TOR1AIP2: variants seen among roughly 807,000 people sequenced by gnomAD.
TOR1AIP2 encodes the protein torsin 1A interacting protein 2, also known as torsin-1A-interacting protein 2.
TOR1AIP2 carries 20 observed loss-of-function variants against 32.6 expected under a neutral mutation model. That is an observed-to-expected ratio of 0.61 (90% CI 0.43 to 0.89). The LOEUF (loss-of-function observed/expected upper bound fraction) is 0.89, where lower values mean the gene tolerates loss of function less well. Ranked by LOEUF, TOR1AIP2 falls within the 40% of genes least tolerant of loss-of-function variation. The pLI, the probability that TOR1AIP2 is intolerant of heterozygous loss-of-function variation, is 0.00. For missense variants in TOR1AIP2, 456 were observed against 553.8 expected (o/e 0.82, Z 1.77); for synonymous variants, 214 against 210.8 (o/e 1.02, Z -0.13).
intron 3 of TOR1AIP2, among the ~76,000 whole-genome samples, chr1:179,856,634 C>G (rs1043185926): frequency 6.6e-6 from 1 of 152,034 alleles, no homozygotes; most frequent in African/African-American, 2.4e-5. Context: ...TTTTTCCCCC[C>G]CAAGATAGAA....
intron 3 of TOR1AIP2, chr1:179,865,017 G>A: frequency 6.2e-7 from 1 of 1,614,020 alleles, no homozygotes; most frequent in Non-Finnish European, 8.5e-7. Context: ...GGATTATCAG[G>A]ATAACACTCA....
In TOR1AIP2 at chr1:179,861,224, G is replaced by T. The variant is rs925286950; in HGVS notation, c.-147+4212C>A. On this transcript the variant is annotated intron_variant, in intron 3 of 6. Transcript: ENST00000609928. ...ATTTAAAACACTGGATAACCCTCCAGATCATTTGTCATTACAATTAATTTT... is the reference window on the plus strand; with the variant it reads ...ATTTAAAACACTGGATAACCCTCCATATCATTTGTCATTACAATTAATTTT... 4.1e-5 allele frequency: 40 copies of T among 985,176 alleles called. No individual in the cohort carries two copies. In the African/African-American group the frequency reaches 5.6e-4, roughly 14 times the overall value. The allele number at this position is 985,176 out of a possible 1,614,324, so 61.0% of individuals were successfully genotyped here.
chr1:179,861,369 A>C, intron 3 of TOR1AIP2: 1 of 985,462 alleles, frequency 1.0e-6, no homozygotes, highest in Non-Finnish European at 1.2e-6. Context: ...TAAGGTGAAA[A>C]GCTTTGTTCA....
chr1:179,872,226 C>G (rs1280095814), intron 2 of TOR1AIP2, among the ~76,000 whole-genome samples: 1 of 152,184 alleles, frequency 6.6e-6, no homozygotes, highest in Non-Finnish European at 1.5e-5. Context: ...GTTTGGAAAC[C>G]TACTGGTACA....
Position 179,846,207 on chromosome 1 carries a change from A to C in TOR1AIP2, c.1277T>G (p.Phe426Cys), listed in dbSNP as rs1695896253. 2 of 1,614,018 alleles carry C rather than the reference A, an allele frequency of 1.2e-6. No individual in the cohort carries two copies. The highest frequency in any genetic ancestry group is 1.7e-6 in the Non-Finnish European group (2 of 1,180,024). The change falls in exon 7 of 7, where the codon TTT becomes TGT. Residue 426 changes from phenylalanine (F) to cysteine (C), a missense_variant. Transcript: ENST00000609928. Reference sequence around the variant, plus strand: ...GGAGGTGGGAGTGTCAGAGTTGGTAAACTTGGCCCAGAGTAAGTCTCTCAC... The same window carrying C: ...GGAGGTGGGAGTGTCAGAGTTGGTACACTTGGCCCAGAGTAAGTCTCTCAC... ...EKVRDLLWAKFTNSDTPTSFN... is the reference protein window; with the variant it reads ...EKVRDLLWAKCTNSDTPTSFN...
At chr1:179,857,785 T>A (rs1487097060) in intron 3 of TOR1AIP2, among the ~76,000 whole-genome samples, 1 of 152,232 alleles carries the variant, frequency 6.6e-6, no homozygotes, top group Non-Finnish European at 1.5e-5. Flanking sequence ...AATTCTGCTA[T>A]GAAAACAAGT....
At chr1:179,850,212 A>C (rs1696063334) in intron 5 of TOR1AIP2, among the ~76,000 whole-genome samples, 1 of 151,958 alleles carries the variant, frequency 6.6e-6, no homozygotes, top group Admixed American at 6.5e-5. Context: ...AGGTCTCCCA[A>C]GTCAGCAAGT....
chr1:179,847,695 C>T, intron 5 of TOR1AIP2, 59 bp from the exon 6 acceptor site: 1 of 1,099,964 alleles, frequency 9.1e-7, no homozygotes, highest in Non-Finnish European at 1.4e-6. Context: ...AGTATGTATA[C>T]CTTTATATCT....
intron 2 of TOR1AIP2, among the ~76,000 whole-genome samples, chr1:179,873,191 G>GT (rs1413317773): frequency 6.6e-6 from 1 of 152,050 alleles, no homozygotes; most frequent in Non-Finnish European, 1.5e-5. Flanking sequence ...TGGGTTCGGT[G>GT]TTTTTTGTTT....
chr1:179,856,904 T>C (rs946593396), intron 3 of TOR1AIP2, among the ~76,000 whole-genome samples: 11 of 152,178 alleles, frequency 7.2e-5, no homozygotes, highest in Non-Finnish European at 1.2e-4. Context: ...CATGAGCCAC[T>C]GCGCCCAGCC....
At chr1:179,864,845 G>A in intron 3 of TOR1AIP2, 1 of 1,614,006 alleles carries the variant, frequency 6.2e-7, no homozygotes, top group Non-Finnish European at 8.5e-7. Context: ...TAACTGTAAT[G>A]CAGGGTTAAA....
intron 2 of TOR1AIP2, among the ~76,000 whole-genome samples, chr1:179,872,324 T>C (rs1479735763): frequency 6.6e-6 from 1 of 152,230 alleles, no homozygotes; most frequent in Non-Finnish European, 1.5e-5. Context: ...AGCCAAACCT[T>C]TAAGGCTAAT....
chr1:179,865,160 G>C, intron 3 of TOR1AIP2: 1 of 1,604,940 alleles, frequency 6.2e-7, no homozygotes, highest in Non-Finnish European at 8.5e-7. Flanking sequence ...AGGGCAATGT[G>C]AATTATCTGA....
chr1:179,851,418 A>C (rs1696113321), intron 4 of TOR1AIP2, 55 bp from the exon 5 acceptor site: 2 of 1,321,476 alleles, frequency 1.5e-6, no homozygotes, highest in Non-Finnish European at 2.0e-6. Flanking sequence ...ATAAATTTAT[A>C]TTTTAACAAG....
intron 3 of TOR1AIP2, among the ~76,000 whole-genome samples, chr1:179,857,631 CA>C (rs1696355389): frequency 6.6e-6 from 1 of 152,046 alleles, no homozygotes; most frequent in African/African-American, 2.4e-5. Flanking sequence ...TGTGGTATAC[CA>C]AATGACTTTT....
Position 179,846,232 on chromosome 1 carries a change from CTT to C in TOR1AIP2, c.1250_1251del (p.Lys417SerfsTer13). 1 of 1,614,188 alleles carries C rather than the reference CTT, an allele frequency of 6.2e-7. No homozygotes were observed. The highest frequency in any genetic ancestry group is 8.5e-7 in the Non-Finnish European group (1 of 1,180,042). On this transcript the variant is annotated frameshift_variant, in exon 7 of 7. Coordinates refer to ENST00000609928, the MANE Select transcript of TOR1AIP2 (RefSeq NM_001199260.2). LOFTEE classifies it high-confidence loss of function. The stretch of plus-strand genomic sequence containing the variant: ...AACTTGGCCCAGAGTAAGTCTCTCA[CTT>C]TTTCTTCCGTTTCCCTTGGGCCTAC... ...ASVGPRETEE[K>X]VRDLLWAKFT...
At chr1:179,865,324 G>A (rs1696724852) in intron 3 of TOR1AIP2, 112 bp downstream of exon 3, 1 of 1,029,286 alleles carries the variant, frequency 9.7e-7, no homozygotes. Context: ...AATAAACTTG[G>A]CTTGCACCTC....
In TOR1AIP2 at chr1:179,870,558, C is replaced by T. The variant is rs1175031291; in HGVS notation, c.-565-4704G>A. Reference sequence around the variant, plus strand: ...CAAAGGTAACTTTTTTCCAATCCCACCCCTCCTCCTCCATTTTGGAAAGAT... The same window carrying T: ...CAAAGGTAACTTTTTTCCAATCCCATCCCTCCTCCTCCATTTTGGAAAGAT... On this transcript the variant is annotated intron_variant, in intron 2 of 6. Transcript: ENST00000609928. Among the ~76,000 whole-genome samples the T allele has an allele frequency of 3.9e-5, 6 of 151,948 alleles. No homozygotes were observed. The East Asian group carries it at 9.6e-4, about 24-fold the overall frequency.
chr1:179,842,361 T>TATTG lies in TOR1AIP2; in HGVS notation c.*3706_*3709dup, dbSNP rs1695748454. The TATTG allele has an allele frequency of 6.6e-6, 1 of 152,332 alleles. No individual in the cohort carries two copies. Among genetic ancestry groups the TATTG allele is most frequent in the Admixed American group, 6.5e-5 (1 of 15,296 alleles). 9.4% of individuals were successfully genotyped at this position (152,332 alleles called of 1,614,324 possible). On this transcript the variant is annotated 3_prime_UTR_variant, in exon 7 of 7. Transcript: ENST00000609928. The stretch of plus-strand genomic sequence containing the variant: ...CAAATGAAATGTATTGAAATGTCTT[T>TATTG]ATTGATTGCTTTTTAAAATAGAAAT...
Sources: gnomAD v4.1 joint callset for allele counts (sites outside exome capture counted in the v4.1 genomes callset) on GRCh38, gnomAD v4.1.1 for gene constraint, MANE v1.5 for transcripts, NCBI Gene and HGNC (gene_info 2026-07-23, HGNC 2026-07-21) for gene names.